The following GALNT17 variants were observed in gnomAD, a reference collection of about 807,000 sequenced individuals.
GALNT17 encodes the protein UDP-GalNAc:polypeptide N-acetylgalactosaminyltransferase-like 3.
GALNT17 carries 29 observed loss-of-function variants against 63.7 expected under a neutral mutation model. That is an observed-to-expected ratio of 0.46 (90% CI 0.34 to 0.62). The LOEUF is 0.62. GALNT17 is among the 20% of genes least tolerant of loss of function. The pLI is 0.01. For synonymous variants in GALNT17, 305 were observed against 318.3 expected, an observed-to-expected ratio of 0.96 and a Z score of 0.45; for missense variants, 603 against 799.6, an observed-to-expected ratio of 0.75 and a Z score of 2.97.
intron 6 of GALNT17, among the ~76,000 whole-genome samples, chr7:71,648,322 G>A (rs1562722031): frequency 6.6e-6 from 1 of 150,482 alleles, no homozygotes; most frequent in East Asian, 2.0e-4. Context: ...CCAGGCTGGA[G>A]TACAGTGGCT....
chr7:71,523,239 A>G (rs1788559217), intron 5 of GALNT17, among the ~76,000 whole-genome samples: 1 of 152,202 alleles, frequency 6.6e-6, no homozygotes, highest in African/African-American at 2.4e-5. Flanking sequence ...AGCCTGGGCA[A>G]CATAGCAAGA....
At chr7:71,211,200 G>A (rs1585884263) in intron 1 of GALNT17, among the ~76,000 whole-genome samples, 2 of 151,598 alleles carry the variant, frequency 1.3e-5, no homozygotes, top group East Asian at 3.9e-4. Flanking sequence ...ACGTGTTGTG[G>A]GAGGGACCCA....
chr7:71,399,157 C>G (rs1793192701), intron 3 of GALNT17, among the ~76,000 whole-genome samples: 1 of 152,150 alleles, frequency 6.6e-6, no homozygotes, highest in Non-Finnish European at 1.5e-5. Context: ...TTACTTGAGC[C>G]CGGGAGGTGG....
chr7:71,273,699 T>C (rs2115710594), intron 1 of GALNT17, among the ~76,000 whole-genome samples: 2 of 152,360 alleles, frequency 1.3e-5, no homozygotes, highest in Middle Eastern at 6.8e-3. Context: ...AACAGATGTT[T>C]CTTTTAAGAA....
At chr7:71,357,694 G>GT (rs1275785689) in intron 2 of GALNT17, among the ~76,000 whole-genome samples, 1 of 152,138 alleles carries the variant, frequency 6.6e-6, no homozygotes, top group African/African-American at 2.4e-5. Context: ...ATCATTTGAG[G>GT]TCGGGAGTTC....
intron 2 of GALNT17, among the ~76,000 whole-genome samples, chr7:71,377,114 A>AAAAAAGAT: frequency 1.7e-5 from 1 of 57,486 alleles, no homozygotes; most frequent in African/African-American, 9.4e-5. Context: ...AAATAAAAAA[A>AAAAAAGAT]ATATATATAT....
intron 5 of GALNT17, among the ~76,000 whole-genome samples, chr7:71,504,401 A>G (rs1221554936): frequency 6.6e-6 from 1 of 152,020 alleles, no homozygotes; most frequent in African/African-American, 2.4e-5. Flanking sequence ...ATAAATAAAT[A>G]AATAAATAAA....
chr7:71,543,038 A>T (rs73700801), intron 5 of GALNT17, among the ~76,000 whole-genome samples: 869 of 52,682 alleles, frequency 0.016, 11 homozygotes, highest in South Asian at 0.059. Context: ...GACCTTTGTT[A>T]AAAAAAAAAA....
chr7:71,712,095 C>G lies in GALNT17; in HGVS notation c.1746C>G (p.Ile582Met). The change falls in exon 11 of 11, where the codon ATC becomes ATG. Residue 582 changes from isoleucine (I) to methionine (M), a missense_variant. Transcript: ENST00000333538. ...GGGGCCTGGCTGGCATCGACCTCAT[C>G]CTCCGCAGCTGCACAGGTCAGAGGT... ...ENRGLAGIDL[I>M]LRSCTGQRWT... is the part of the protein sequence containing the mutation. 1 of 1,614,090 alleles carries G rather than the reference C, an allele frequency of 6.2e-7. No individual in the cohort carries two copies. Among genetic ancestry groups the G allele is most frequent in the Non-Finnish European group, 8.5e-7 (1 of 1,179,988 alleles).
rs1460854646 is a variant in GALNT17, at chr7:71,142,245, C to T, written c.238+9205C>T. Among the ~76,000 whole-genome samples, 3 of 152,124 alleles carry T rather than the reference C, an allele frequency of 2.0e-5. No homozygotes were observed. In the East Asian group the frequency reaches 5.8e-4, roughly 29 times the overall value. Reference sequence around the variant, plus strand: ...AGTAGAGTATGGTCATTGTTATTTGCTTTGTGAATGTCAGACGAGGTGAGA... The same window carrying T: ...AGTAGAGTATGGTCATTGTTATTTGTTTTGTGAATGTCAGACGAGGTGAGA... On this transcript the variant is annotated intron_variant, in intron 1 of 10. Coordinates refer to ENST00000333538, the MANE Select transcript of GALNT17 (RefSeq NM_022479.3).
At chr7:71,217,450 G>T (rs777677371) in intron 1 of GALNT17, among the ~76,000 whole-genome samples, 16 of 152,036 alleles carry the variant, frequency 1.1e-4, no homozygotes, top group Non-Finnish European at 2.2e-4. Flanking sequence ...CACAGATGGA[G>T]AATTTTCTTC....
At chr7:71,562,394 T>G (rs1164943265) in intron 5 of GALNT17, among the ~76,000 whole-genome samples, 1 of 152,166 alleles carries the variant, frequency 6.6e-6, no homozygotes, top group African/African-American at 2.4e-5. Flanking sequence ...TATTATTACA[T>G]TGTAATATAT....
chr7:71,592,544 A>AATAAAATAGCATAGC (rs11267770), intron 6 of GALNT17, among the ~76,000 whole-genome samples: 13,517 of 114,910 alleles, frequency 0.12, 1,018 homozygotes, highest in Middle Eastern at 0.15. Context: ...AATAAAATAA[A>AATAAAATAGCATAGC]ATAGCATAGC....
At chr7:71,711,062 G>A in intron 10 of GALNT17, 134 bp downstream of exon 10, 1 of 1,236,536 alleles carries the variant, frequency 8.1e-7, no homozygotes, top group Non-Finnish European at 1.1e-6. Context: ...CCCGGGCTGG[G>A]CTTGTGGACC....
chr7:71,668,249 G>T (rs1222579450), intron 7 of GALNT17, among the ~76,000 whole-genome samples: 2 of 151,780 alleles, frequency 1.3e-5, no homozygotes, highest in Non-Finnish European at 2.9e-5. Context: ...ATGACCATTA[G>T]CTCACGCCTG....
intron 3 of GALNT17, among the ~76,000 whole-genome samples, chr7:71,391,804 A>G (rs1338950696): frequency 6.6e-6 from 1 of 152,136 alleles, no homozygotes; most frequent in Non-Finnish European, 1.5e-5. Context: ...ATTTATTTAA[A>G]AAGAAGGTTT....
At chr7:71,253,682 A>G (rs1050772845) in intron 1 of GALNT17, among the ~76,000 whole-genome samples, 2 of 152,110 alleles carry the variant, frequency 1.3e-5, no homozygotes, top group Admixed American at 1.3e-4. Context: ...ATAAATCTCT[A>G]AAATAACTGA....
chr7:71,553,268 A>T (rs1236481588), intron 5 of GALNT17, among the ~76,000 whole-genome samples: 2 of 152,092 alleles, frequency 1.3e-5, no homozygotes, highest in Non-Finnish European at 2.9e-5. Context: ...TTGAGACTAC[A>T]GTAGGCTATG....
At chr7:71,345,781 A>G (rs552122597) in intron 2 of GALNT17, among the ~76,000 whole-genome samples, 1 of 152,106 alleles carries the variant, frequency 6.6e-6, no homozygotes, top group Non-Finnish European at 1.5e-5. Flanking sequence ...GACACATCTG[A>G]TTATAGTAGC....
Sources: allele counts gnomAD v4.1 joint callset (sites outside exome capture counted in the v4.1 genomes callset), GRCh38; gene constraint gnomAD v4.1.1; transcripts MANE v1.5; gene names NCBI Gene and HGNC (gene_info 2026-07-23, HGNC 2026-07-21).